ARHGEF17: variants seen among roughly 807,000 people sequenced by gnomAD.
ARHGEF17 encodes the protein Rho guanine nucleotide exchange factor 17, also known as 164 kDa Rho-specific guanine-nucleotide exchange factor.
In ARHGEF17, 80 loss-of-function variants were observed where a neutral mutation model predicts 174.0. That is an observed-to-expected ratio of 0.46 (90% confidence interval 0.38 to 0.55). ARHGEF17 has a LOEUF of 0.55. Ranked by LOEUF, ARHGEF17 falls within the 20% of genes least tolerant of loss-of-function variation. The probability of loss-of-function intolerance (pLI) is 0.00; values close to 1 mark genes in which losing one functional copy is unlikely to be tolerated. For synonymous variants in ARHGEF17, 1,311 were observed against 1,189.1 expected (o/e 1.10, Z -2.11); for missense variants, 2,886 against 2,839.7 (o/e 1.02, Z -0.37).
In ARHGEF17 at chr11:73,357,274, G is replaced by A; in HGVS notation, c.4034G>A (p.Ser1345Asn). ...YTAASVIDTASKYKMLWKLPL... is the reference protein window; with the variant it reads ...YTAASVIDTANKYKMLWKLPL... ...GCAGCCAGTGTCATTGACACAGCCA[G>A]CAAGTACAAGATGCTGTGGAAGCTG... is the stretch of plus-strand genomic sequence containing the variant. Residue 1345 changes from serine to asparagine, a missense_variant, in exon 9 of 21, where the codon AGC becomes AAC. Physicochemically the swap from Ser to Asn is conservative, Grantham distance 46. This residue lies in a region of ARHGEF17 where 353 missense variants were observed against 470.3 expected (regional missense o/e 0.75). Coordinates refer to ENST00000263674, the MANE Select transcript of ARHGEF17 (RefSeq NM_014786.4). 1 of 1,614,076 alleles carries A rather than the reference G, an allele frequency of 6.2e-7. No homozygotes were observed. The highest frequency in any genetic ancestry group is 1.1e-5 in the South Asian group (1 of 91,066).
Position 73,367,655 on chromosome 11 carries a change from A to G in ARHGEF17, c.6067A>G (p.Lys2023Glu), listed in dbSNP as rs1865863173. ...WHRGPAPARP[K>E]MLVISGGDGY... is the part of the protein sequence containing the mutation. ...CCGAGGCCCCGCCCCTGCCAGGCCT[A>G]AAATGCTGGTTATCAGTGGAGGTGA... Residue 2023 changes from lysine to glutamate, a missense_variant, in exon 21 of 21, where the codon AAA (lysine) becomes GAA (glutamate). Lys to Glu is a moderately conservative substitution (Grantham distance 56). This residue lies in a region of ARHGEF17 where 329 missense variants were observed against 435.2 expected (regional missense o/e 0.76). Coordinates refer to ENST00000263674, the MANE Select transcript of ARHGEF17 (RefSeq NM_014786.4). 6.2e-7 allele frequency: 1 copy of G among 1,613,958 alleles called. No homozygotes were observed. Among genetic ancestry groups the G allele is most frequent in the East Asian group, 2.2e-5 (1 of 44,894 alleles).
chr11:73,319,522 T>C (rs1276557368), intron 1 of ARHGEF17, among the ~76,000 whole-genome samples: 1 of 152,218 alleles, frequency 6.6e-6, no homozygotes, highest in African/African-American at 2.4e-5. Context: ...AGCATGAGGA[T>C]GTAATGCCAG....
At position 73,362,469 on chromosome 11, in the gene ARHGEF17, G is replaced by T. The variant is rs752322637; in HGVS notation, c.4731G>T (p.Thr1577=). Residue 1577 remains threonine, a synonymous_variant, in exon 14 of 21, where the codon ACG becomes ACT. Transcript: ENST00000263674. ...PPPSLRSPPE[T]APEPAGPELD... is the part of the protein sequence containing the mutation. ...CGTCGCTGAGGAGTCCTCCAGAGACGGCACCGGAGCCCGCCGGGCCGGAGC... is the reference window on the plus strand; with the variant it reads ...CGTCGCTGAGGAGTCCTCCAGAGACTGCACCGGAGCCCGCCGGGCCGGAGC... The T allele has an allele frequency of 1.5e-5, 24 of 1,589,436 alleles. No individual in the cohort carries two copies. The South Asian group carries it at 2.7e-4, about 18-fold the overall frequency.
rs372960701 is a variant in ARHGEF17 at position 73,311,420 on chromosome 11, C to T, written c.2782C>T (p.Arg928Trp). 19 of 1,613,218 alleles carry T rather than the reference C, an allele frequency of 1.2e-5. No homozygotes were observed. Among genetic ancestry groups the T allele is most frequent in the East Asian group, 4.5e-5 (2 of 44,900 alleles). ...IRRGSKKRPARSSHQELRRDE... is the reference protein window; with the variant it reads ...IRRGSKKRPAWSSHQELRRDE... ...CCGAGGCTCCAAGAAGCGCCCAGCT[C>T]GGAGTAGTCACCAGGAGCTTCGGAG... Residue 928 changes from arginine (R) to tryptophan (W), a missense_variant, in exon 1 of 21, where the codon CGG (arginine) becomes TGG (tryptophan). Arg to Trp is a moderately radical substitution (Grantham distance 101, BLOSUM62 -3). This residue lies in a region of ARHGEF17 where 1,728 missense variants were observed against 1,461.2 expected (regional missense o/e 1.18). Transcript: ENST00000263674.
chr11:73,310,116 G>A lies in ARHGEF17; in HGVS notation c.1478G>A (p.Ser493Asn). ...SELRVRKPGG[S>N]SGDRGSNPLD... is the part of the protein sequence containing the mutation. The stretch of plus-strand genomic sequence containing the variant: ...CTGAGGGTCCGAAAACCTGGTGGGA[G>A]CTCCGGGGACCGTGGAAGCAACCCC... Residue 493 changes from serine to asparagine, a missense_variant, in exon 1 of 21, where the codon AGC becomes AAC. By Grantham distance (46) the Ser-to-Asn change is conservative. Transcript: ENST00000263674. 2 of 1,614,084 alleles carry A rather than the reference G, an allele frequency of 1.2e-6. No individual in the cohort carries two copies. Among genetic ancestry groups the A allele is most frequent in the Non-Finnish European group, 1.7e-6 (2 of 1,180,026 alleles).
At chr11:73,337,028 C>T (rs1019664374) in intron 1 of ARHGEF17, among the ~76,000 whole-genome samples, 5 of 152,198 alleles carry the variant, frequency 3.3e-5, no homozygotes, top group Non-Finnish European at 5.9e-5. Context: ...AGTATCATTT[C>T]TGCTGTGCTC....
Position 73,355,665 on chromosome 11 carries a change from G to T in ARHGEF17, c.3570+16G>T. On this transcript the variant is annotated intron_variant, in intron 4 of 20. Transcript: ENST00000263674. ...GTTCCTAGAGGTACTGTGGGCTAGGGCAGGGGGATGGAGGTGACCCTCACC... is the reference window on the plus strand; with the variant it reads ...GTTCCTAGAGGTACTGTGGGCTAGGTCAGGGGGATGGAGGTGACCCTCACC... 1 of 1,608,660 alleles carries T rather than the reference G, an allele frequency of 6.2e-7. No individual in the cohort carries two copies. The highest frequency in any genetic ancestry group is 8.5e-7 in the Non-Finnish European group (1 of 1,175,058).
intron 1 of ARHGEF17, among the ~76,000 whole-genome samples, chr11:73,345,114 G>A (rs555623528): frequency 1.3e-5 from 2 of 152,262 alleles, no homozygotes; most frequent in South Asian, 2.1e-4. Flanking sequence ...GGCCCTCCAC[G>A]CTCTCCCAAG....
intron 1 of ARHGEF17, among the ~76,000 whole-genome samples, chr11:73,312,836 T>C (rs1156468815): frequency 6.6e-6 from 1 of 151,916 alleles, no homozygotes; most frequent in Admixed American, 6.6e-5. Flanking sequence ...CCCCCAGCCC[T>C]GGGGGCTCAC....
At chr11:73,312,120 A>G (rs995561589) in intron 1 of ARHGEF17, among the ~76,000 whole-genome samples, 2 of 152,068 alleles carry the variant, frequency 1.3e-5, no homozygotes, top group African/African-American at 4.8e-5. Context: ...TGTCCTTTGG[A>G]TGTTTCTCAG....
rs752648816 is a variant in ARHGEF17 at position 73,362,076 on chromosome 11, G to A, written c.4531G>A (p.Glu1511Lys). The change falls in exon 13 of 21, where the codon GAG becomes AAG. Residue 1511 changes from glutamate (E) to lysine (K), a missense_variant. This residue lies in a region of ARHGEF17 where 476 missense variants were observed against 473.1 expected (regional missense o/e 1.01). Transcript: ENST00000263674. ...GGCTCCCACCCTGAACAGCTGCCCG[G>A]AGCCCTCGCCTGAGGTATGGGTCTG... Reference protein sequence around the residue: ...CAAPTLNSCPEPSPEVWVCNS... With the variant: ...CAAPTLNSCPKPSPEVWVCNS... 9 of 1,612,862 alleles carry A rather than the reference G, an allele frequency of 5.6e-6. No homozygotes were observed. In the Admixed American group the frequency reaches 1.3e-4, roughly 24 times the overall value.
chr11:73,309,769 T>C lies in ARHGEF17; in HGVS notation c.1131T>C (p.Phe377=), dbSNP rs1026033980. Residue 377 remains phenylalanine, a synonymous_variant, in exon 1 of 21, where the codon TTT becomes TTC. Transcript: ENST00000263674. ...CTTTCCGTGTGGCCAAGGTGAGCTT[T>C]CCCTCGTACCTGGCCAGCCCCGCAG... The part of the protein sequence containing the change: ...GGAFRVAKVS[F]PSYLASPAGS... 6.2e-7 allele frequency: 1 copy of C among 1,612,838 alleles called. No individual in the cohort carries two copies. Among genetic ancestry groups the C allele is most frequent in the African/African-American group, 1.3e-5 (1 of 74,906 alleles).
intron 1 of ARHGEF17, among the ~76,000 whole-genome samples, chr11:73,312,505 C>T (rs921110988): frequency 1.3e-5 from 2 of 152,140 alleles, no homozygotes; most frequent in African/African-American, 4.8e-5. Flanking sequence ...ATGTTTCCAT[C>T]CAGCTGGTAC....
chr11:73,332,350 C>CGTGTGTGTGTGTGTGTGTGTGT (rs58725771), intron 1 of ARHGEF17, among the ~76,000 whole-genome samples: 5 of 120,752 alleles, frequency 4.1e-5, no homozygotes, highest in South Asian at 3.2e-4. Flanking sequence ...GCTTTTTCTC[C>CGTGTGTGTGTGTGTGTGTGTGT]GTGTGTGTGT....
Position 73,311,803 on chromosome 11 carries a change from C to T in ARHGEF17, c.3165C>T (p.Ala1055=). 1 of 1,606,314 alleles carries T rather than the reference C, an allele frequency of 6.2e-7. No individual in the cohort carries two copies. The change falls in exon 1 of 21, where the codon GCC becomes GCT. Residue 1055 remains alanine, a synonymous_variant. Coordinates refer to ENST00000263674, the MANE Select transcript of ARHGEF17 (RefSeq NM_014786.4). ...GGCCTGCAGATGAGCCTACCCCTGC[C>T]AGCAAGTGCTGCAGCAAGCCACAGG... The part of the protein sequence containing the change: ...AARPADEPTP[A]SKCCSKPQVD...
rs917895831 is a variant in ARHGEF17, at chr11:73,310,193, C to G, written c.1555C>G (p.Pro519Ala). Residue 519 changes from proline to alanine, a missense_variant, in exon 1 of 21, where the codon CCC becomes GCC. Physicochemically the swap from Pro to Ala is conservative, Grantham distance 27. Around this residue, in one of 4 missense-constraint regions of ARHGEF17, gnomAD observed 1,728 missense variants for 1,461.2 expected, o/e 1.18. Transcript: ENST00000263674. ...AGGTGGCCCTGTGGGGCAACTTGAA[C>G]CCATACCCATCCCAGCCCCAGCATC... The part of the protein sequence containing the change: ...SAGGPVGQLE[P>A]IPIPAPASPG... 1 of 1,613,964 alleles carries G rather than the reference C, an allele frequency of 6.2e-7. No individual in the cohort carries two copies. Among genetic ancestry groups the G allele is most frequent in the South Asian group, 1.1e-5 (1 of 91,084 alleles).
Position 73,356,233 on chromosome 11 carries a change from A to G in ARHGEF17, c.3722A>G (p.Gln1241Arg), listed in dbSNP as rs768387563. ...HPDHPLLLEA[Q>R]RNIKQVAERI... ...GACCATCCACTCCTGCTGGAGGCGC[A>G]GCGGAACATCAAGCAGGTGGCTGAG... Residue 1241 changes from glutamine to arginine, a missense_variant, in exon 6 of 21, where the codon CAG (glutamine) becomes CGG (arginine). Coordinates refer to ENST00000263674, the MANE Select transcript of ARHGEF17 (RefSeq NM_014786.4). 6.2e-7 allele frequency: 1 copy of G among 1,613,936 alleles called. No individual in the cohort carries two copies. Among genetic ancestry groups the G allele is most frequent in the Admixed American group, 1.7e-5 (1 of 60,020 alleles).
At chr11:73,363,624 C>T in intron 15 of ARHGEF17, 123 bp from the exon 16 acceptor site, 2 of 1,499,148 alleles carry the variant, frequency 1.3e-6, no homozygotes, top group South Asian at 2.4e-5. Context: ...GCTGTGGGAC[C>T]TCAGTACCTT....
rs1257047502 is a variant in ARHGEF17 at position 73,365,712 on chromosome 11, C to T, written c.5760C>T (p.Ala1920=). The change falls in exon 20 of 21, where the codon GCC becomes GCT. Residue 1920 remains alanine (A), a synonymous_variant. Transcript: ENST00000263674. This position sits in a 1 kb window ranked among gnomAD's most constrained non-coding sequence, Gnocchi z 4.9. ...CCATCATCCGGCAGCACAAGGCTGC[C>T]TGTCTGCGAATCACAGCGCTGCTGG... ...SDAIIRQHKA[A]CLRITALLVC... is the part of the protein sequence containing the mutation. 6.2e-7 allele frequency: 1 copy of T among 1,613,584 alleles called. No individual in the cohort carries two copies. Among genetic ancestry groups the T allele is most frequent in the Non-Finnish European group, 8.5e-7 (1 of 1,179,956 alleles).
Sources: allele counts gnomAD v4.1 joint callset (sites outside exome capture counted in the v4.1 genomes callset), GRCh38; gene constraint gnomAD v4.1.1; regional missense constraint gnomAD v4.1.1; non-coding constraint Gnocchi (gnomAD v3.1); transcripts MANE v1.5; gene names NCBI Gene and HGNC (gene_info 2026-07-23, HGNC 2026-07-21).